Variants in C2CD2 observed in about 807,000 individuals in gnomAD.
C2CD2 encodes C2 calcium dependent domain containing 2.
C2CD2 carries 43 observed loss-of-function variants against 74.3 expected under a neutral mutation model. That is an observed-to-expected ratio of 0.58 (90% confidence interval 0.45 to 0.75). The LOEUF (loss-of-function observed/expected upper bound fraction) is 0.75, where lower values mean the gene tolerates loss of function less well. Among genes scored for constraint, C2CD2 ranks in the 30% least tolerant of loss-of-function variants. The pLI, the probability that C2CD2 is intolerant of heterozygous loss-of-function variation, is 0.00. For missense variants in C2CD2, 801 were observed against 916.3 expected (o/e 0.87, Z 1.63); for synonymous variants, 422 against 390.7 (o/e 1.08, Z -0.94).
In C2CD2 at chr21:41,899,246, C is replaced by A. The variant is rs150987090; in HGVS notation, c.1677G>T (p.Pro559=). The A allele has an allele frequency of 1.2e-6, 2 of 1,612,178 alleles. No individual in the cohort carries two copies. Among genetic ancestry groups the A allele is most frequent in the East Asian group, 4.5e-5 (2 of 44,844 alleles). ...CCTGGGCTGACTCGGCTTCCTCTGG[C>A]GGGGCAGAGGCTGCCGCCCTCTCCG... The part of the protein sequence containing the change: ...SHPERAAASA[P]PEEAESAQAS... The change falls in exon 13 of 14, where the codon CCG becomes CCT. Residue 559 remains proline, a synonymous_variant. Transcript: ENST00000380486. The surrounding 1 kb of genome is among the most constrained non-coding windows in gnomAD (Gnocchi z 4.4).
At chr21:41,919,946 G>C (rs1040290603) in intron 3 of C2CD2, among the ~76,000 whole-genome samples, 2 of 152,118 alleles carry the variant, frequency 1.3e-5, no homozygotes, top group African/African-American at 2.4e-5. Flanking sequence ...AAGAGTGGGG[G>C]AGCACGGGAG....
At chr21:41,905,652 A>C in intron 11 of C2CD2, 72 bp downstream of exon 11, 1 of 784,588 alleles carries the variant, frequency 1.3e-6, no homozygotes, top group South Asian at 1.7e-5. Flanking sequence ...AAAGGAAAAT[A>C]CTTCATATCA....
chr21:41,912,411 G>A lies in C2CD2; in HGVS notation c.874C>T (p.Leu292=). ...GAGAACCTCTGAACAGGATCGTTCA[G>A]CTGCACGACGCACACTGCATTAATG... ...GHINAVCVVQ[L]NDPVQRFSST... is the part of the protein sequence containing the mutation. The change falls in exon 7 of 14, where the codon CTG becomes TTG. Residue 292 remains leucine, a synonymous_variant. Transcript: ENST00000380486. 1 of 1,612,436 alleles carries A rather than the reference G, an allele frequency of 6.2e-7. No individual in the cohort carries two copies. The highest frequency in any genetic ancestry group is 8.5e-7 in the Non-Finnish European group (1 of 1,179,580).
intron 2 of C2CD2, among the ~76,000 whole-genome samples, chr21:41,934,856 GT>G (rs374742751): frequency 0.014 from 1,748 of 124,018 alleles, 26 homozygotes; most frequent in African/African-American, 0.046. Context: ...GCCTTGCCTC[GT>G]TTTTTTTTTT....
chr21:41,898,978 C>T (rs1479847058), intron 13 of C2CD2, 75 bp downstream of exon 13: 1 of 1,144,016 alleles, frequency 8.7e-7, no homozygotes, highest in Non-Finnish European at 1.3e-6. Context: ...AGGCAGATGA[C>T]TTCAGCTTGG....
At position 41,923,364 on chromosome 21, in the gene C2CD2, G is replaced by T. The variant is rs77479487; in HGVS notation, c.379-1279C>A. Reference sequence around the variant, plus strand: ...ATAGCTGATTTTTAATTCCCCAAATGTTTCCACATTCATACACAGTCAAAG... The same window carrying T: ...ATAGCTGATTTTTAATTCCCCAAATTTTTCCACATTCATACACAGTCAAAG... On this transcript the variant is annotated intron_variant, in intron 2 of 13. Coordinates refer to ENST00000380486, the MANE Select transcript of C2CD2 (RefSeq NM_015500.2). This position sits in a 1 kb window ranked among gnomAD's most constrained non-coding sequence, Gnocchi z 5.8. Among the ~76,000 whole-genome samples the T allele has an allele frequency of 0.027, 4,052 of 152,204 alleles. 181 individuals carry two copies. The highest frequency in any genetic ancestry group is 0.092 in the African/African-American group (3,797 of 41,496).
At position 41,945,732 on chromosome 21, in the gene C2CD2, C is replaced by G. The variant is rs1398403535; in HGVS notation, c.280-3487G>C. Among the ~76,000 whole-genome samples the G allele has an allele frequency of 6.6e-6, 1 of 152,182 alleles. No individual in the cohort carries two copies. Among genetic ancestry groups the G allele is most frequent in the Non-Finnish European group, 1.5e-5 (1 of 68,046 alleles). ...CTCATATAGTGAGTTCTCACAAGATCTGATGCTTTTCTAAGTGTTTGGAAG... is the reference window on the plus strand; with the variant it reads ...CTCATATAGTGAGTTCTCACAAGATGTGATGCTTTTCTAAGTGTTTGGAAG... On this transcript the variant is annotated intron_variant, in intron 1 of 13. Transcript: ENST00000380486. The surrounding 1 kb of genome is among the most constrained non-coding windows in gnomAD (Gnocchi z 4.2).
chr21:41,927,214 G>C (rs2065221211), intron 2 of C2CD2, among the ~76,000 whole-genome samples: 1 of 152,172 alleles, frequency 6.6e-6, no homozygotes, highest in Non-Finnish European at 1.5e-5. Flanking sequence ...CCCCTAAGCT[G>C]AAGTGCAGTG....
At chr21:41,921,147 AG>A (rs1283455338) in intron 3 of C2CD2, among the ~76,000 whole-genome samples, 3 of 152,252 alleles carry the variant, frequency 2.0e-5, no homozygotes, top group East Asian at 3.8e-4. Context: ...AAAAGCATAC[AG>A]GATGTCACCT....
chr21:41,927,555 C>G (rs2065224704), intron 2 of C2CD2, among the ~76,000 whole-genome samples: 1 of 152,202 alleles, frequency 6.6e-6, no homozygotes, highest in Non-Finnish European at 1.5e-5. Context: ...ACCAAAACCT[C>G]TGCTTCCTGG....
chr21:41,898,876 G>T (rs571833053), intron 13 of C2CD2, among the ~76,000 whole-genome samples, 177 bp downstream of exon 13: 38 of 152,308 alleles, frequency 2.5e-4, no homozygotes, highest in African/African-American at 8.9e-4. Context: ...ACCGGCAGAT[G>T]CCCCACCACG....
At chr21:41,890,921 C>G (rs557766363) in intron 13 of C2CD2, among the ~76,000 whole-genome samples, 1 of 152,320 alleles carries the variant, frequency 6.6e-6, no homozygotes, top group South Asian at 2.1e-4. Flanking sequence ...ATCTGCTCTG[C>G]CCAGGTTACA....
At position 41,912,324 on chromosome 21, in the gene C2CD2, A is replaced by G. The variant is rs2146178932; in HGVS notation, c.953+8T>C. 1 of 1,588,278 alleles carries G rather than the reference A, an allele frequency of 6.3e-7. No homozygotes were observed. Among genetic ancestry groups the G allele is most frequent in the Non-Finnish European group, 8.6e-7 (1 of 1,159,188 alleles). ...GGACACACAGGCCCATAACCCGGCC[A>G]GACTCACAAGGTGAATTCCTCTTCC... On this transcript the variant is annotated splice_region_variant and intron_variant, in intron 7 of 13. Coordinates refer to ENST00000380486, the MANE Select transcript of C2CD2 (RefSeq NM_015500.2).
rs767137323 is a variant in C2CD2 at position 41,912,420 on chromosome 21, C to T, written c.865G>A (p.Val289Ile). 77 of 1,611,562 alleles carry T rather than the reference C, an allele frequency of 4.8e-5. No homozygotes were observed. The highest frequency in any genetic ancestry group is 2.2e-4 in the Admixed American group (13 of 59,900). Residue 289 changes from valine to isoleucine, a missense_variant, in exon 7 of 14, where the codon GTC (valine) becomes ATC (isoleucine). Physicochemically the swap from Val to Ile is conservative, Grantham distance 29. Coordinates refer to ENST00000380486, the MANE Select transcript of C2CD2 (RefSeq NM_015500.2). ...GASGHINAVC[V>I]VQLNDPVQRF... ...TGAACAGGATCGTTCAGCTGCACGA[C>T]GCACACTGCATTAATGTGGCCTGTA...
intron 11 of C2CD2, among the ~76,000 whole-genome samples, chr21:41,904,434 T>C (rs1184632193): frequency 6.6e-5 from 10 of 151,972 alleles, no homozygotes; most frequent in Admixed American, 5.9e-4. Flanking sequence ...GCCTACAGAG[T>C]AGCCATTCTT....
rs201680934 is a variant in C2CD2 at position 41,901,606 on chromosome 21, G to A, written c.1560+16C>T. 8.9e-5 allele frequency: 144 copies of A among 1,613,800 alleles called. No homozygotes were observed. Among genetic ancestry groups the A allele is most frequent in the Non-Finnish European group, 1.2e-4 (140 of 1,179,776 alleles). Reference sequence around the variant, plus strand: ...AGATGACCAGATGAACACCTCCCCAGCCACCACGATGGTACCTTGGAGATC... The same window carrying A: ...AGATGACCAGATGAACACCTCCCCAACCACCACGATGGTACCTTGGAGATC... On this transcript the variant is annotated intron_variant, in intron 12 of 13. Transcript: ENST00000380486.
chr21:41,913,529 G>A (rs961087733), intron 6 of C2CD2, among the ~76,000 whole-genome samples: 1 of 152,132 alleles, frequency 6.6e-6, no homozygotes, highest in Non-Finnish European at 1.5e-5. Context: ...CTGACCGACC[G>A]AGTCCAGGGA....
At chr21:41,948,902 T>TTTTTTTTTC (rs2065427065) in intron 1 of C2CD2, among the ~76,000 whole-genome samples, 1 of 143,242 alleles carries the variant, frequency 7.0e-6, no homozygotes, top group African/African-American at 2.6e-5. Flanking sequence ...TCTTTTTTTT[T>TTTTTTTTTC]ACAAAGACCA....
intron 3 of C2CD2, among the ~76,000 whole-genome samples, chr21:41,921,464 A>G (rs2065153123): frequency 6.6e-6 from 1 of 152,188 alleles, no homozygotes; most frequent in African/African-American, 2.4e-5. Context: ...AATTATATAT[A>G]TGTCTTTATT....
Sources: gnomAD v4.1 joint callset for allele counts (sites outside exome capture counted in the v4.1 genomes callset) on GRCh38, gnomAD v4.1.1 for gene constraint, Gnocchi (gnomAD v3.1) non-coding constraint, MANE v1.5 for transcripts, NCBI Gene and HGNC (gene_info 2026-07-23, HGNC 2026-07-21) for gene names.